CFDP1: variants seen among roughly 807,000 people sequenced by gnomAD.
CFDP1 encodes the protein heterochromatin-stabilizing protein CFDP1.
A neutral mutation model predicts 40.1 loss-of-function variants in CFDP1; 31 were observed. That is an observed-to-expected ratio of 0.77 (90% CI 0.58 to 1.04). CFDP1 has a LOEUF of 1.04. CFDP1 is among the 50% of genes least tolerant of loss of function. The pLI, the probability that CFDP1 is intolerant of heterozygous loss-of-function variation, is 0.00. For missense variants in CFDP1, 423 were observed against 343.4 expected (o/e 1.23, Z -1.83); for synonymous variants, 167 against 120.0 (o/e 1.39, Z -2.56).
chr16:75,327,443 C>T (rs1234906254), intron 5 of CFDP1, among the ~76,000 whole-genome samples: 1 of 151,050 alleles, frequency 6.6e-6, no homozygotes, highest in Non-Finnish European at 1.5e-5. Context: ...AGGGATGTTA[C>T]GGGGAATGGG....
rs920907899 is a variant in CFDP1, at chr16:75,412,054, A to G, written c.403-102T>C. 25 of 1,243,472 alleles carry G rather than the reference A, an allele frequency of 2.0e-5. No individual in the cohort carries two copies. In the Admixed American group the frequency reaches 7.2e-4, roughly 36 times the overall value. 77.0% of individuals were successfully genotyped at this position (1,243,472 alleles called of 1,614,324 possible). A position where few individuals can be genotyped will look rare whatever the true frequency, so the allele number is the denominator to read the frequency against. ...TCTTTGAGATAGCGTCTCACTCTGT[A>G]GCCCAAGCTGGAGTGCAGTAACACA... On this transcript the variant is annotated intron_variant, in intron 3 of 6. Coordinates refer to ENST00000283882, the MANE Select transcript of CFDP1 (RefSeq NM_006324.3).
intron 5 of CFDP1, among the ~76,000 whole-genome samples, chr16:75,382,758 T>C (rs1007545826): frequency 2.0e-5 from 3 of 152,150 alleles, no homozygotes; most frequent in African/African-American, 4.8e-5. Flanking sequence ...TTGTACATGA[T>C]ATTCCTTGGA....
chr16:75,319,363 A>T (rs1477427856), intron 5 of CFDP1, among the ~76,000 whole-genome samples: 3 of 152,166 alleles, frequency 2.0e-5, no homozygotes, highest in African/African-American at 7.2e-5. Flanking sequence ...ACTGCTACTA[A>T]ATAAGCATGC....
intron 4 of CFDP1, among the ~76,000 whole-genome samples, chr16:75,398,183 G>T (rs1170596900): frequency 2.0e-5 from 3 of 152,232 alleles, no homozygotes; most frequent in Non-Finnish European, 4.4e-5. Flanking sequence ...GGAATGGTGT[G>T]CTACACAGCA....
intron 5 of CFDP1, among the ~76,000 whole-genome samples, chr16:75,356,036 A>AT (rs2078642345): frequency 6.6e-6 from 1 of 152,192 alleles, no homozygotes; most frequent in South Asian, 2.1e-4. Flanking sequence ...AAGGGTTGGA[A>AT]TAAACTTCTT....
In CFDP1 at chr16:75,293,915, A is replaced by C. The variant is rs1380387316; in HGVS notation, c.*37T>G. ...CAGACGCACAAAAAGCTCACATTGT[A>C]AACAGGATTAAGCTGCTCTTGATTT... is the stretch of plus-strand genomic sequence containing the variant. On this transcript the variant is annotated 3_prime_UTR_variant, in exon 7 of 7. Transcript: ENST00000283882. 1.3e-6 allele frequency: 2 copies of C among 1,531,200 alleles called. No homozygotes were observed. The highest frequency in any genetic ancestry group is 1.1e-5 in the South Asian group (1 of 89,232). 94.9% of individuals were successfully genotyped at this position (1,531,200 alleles called of 1,614,324 possible).
intron 6 of CFDP1, among the ~76,000 whole-genome samples, chr16:75,295,784 C>A (rs1314608351): frequency 6.6e-6 from 1 of 152,168 alleles, no homozygotes; most frequent in Non-Finnish European, 1.5e-5. Context: ...TTCAGAGTCC[C>A]TGGCAGTCAG....
chr16:75,351,003 A>C (rs7188143), intron 5 of CFDP1, among the ~76,000 whole-genome samples: 56 of 152,118 alleles, frequency 3.7e-4, no homozygotes, highest in East Asian at 1.5e-3. Flanking sequence ...ACAAAAAAAA[A>C]CTGCAAAAAC....
intron 5 of CFDP1, among the ~76,000 whole-genome samples, chr16:75,318,827 T>C (rs922597988): frequency 6.6e-6 from 1 of 152,244 alleles, no homozygotes; most frequent in Non-Finnish European, 1.5e-5. Flanking sequence ...TTTTAAATTC[T>C]TGGGCACCTC....
intron 5 of CFDP1, among the ~76,000 whole-genome samples, chr16:75,347,212 C>T (rs1425106023): frequency 2.0e-5 from 3 of 151,186 alleles, no homozygotes; most frequent in South Asian, 2.1e-4. Flanking sequence ...GGCATAATGG[C>T]GGGCGCTTGT....
intron 5 of CFDP1, among the ~76,000 whole-genome samples, chr16:75,314,175 G>A (rs886337836): frequency 6.6e-6 from 1 of 152,144 alleles, no homozygotes; most frequent in Admixed American, 6.5e-5. Context: ...GTGAGCCATC[G>A]CACCTGGCCT....
intron 4 of CFDP1, among the ~76,000 whole-genome samples, chr16:75,407,665 A>AG (rs2079113902): frequency 6.8e-6 from 1 of 146,266 alleles, no homozygotes; most frequent in Non-Finnish European, 1.5e-5. Flanking sequence ...AAAAAAAAAA[A>AG]AAAAAAAGAA....
intron 5 of CFDP1, among the ~76,000 whole-genome samples, chr16:75,366,571 C>T (rs751590313): frequency 3.3e-5 from 5 of 151,878 alleles, no homozygotes; most frequent in East Asian, 1.9e-4. Context: ...TGCAGTGAGC[C>T]GAGATCGTGC....
chr16:75,380,147 A>C (rs2078840857), intron 5 of CFDP1: 1 of 152,226 alleles, frequency 6.6e-6, no homozygotes, highest in Admixed American at 6.5e-5. Flanking sequence ...GAAAAAAAAA[A>C]AAGAAAGAAA....
At chr16:75,400,894 C>T (rs891196837) in intron 4 of CFDP1, among the ~76,000 whole-genome samples, 3 of 152,108 alleles carry the variant, frequency 2.0e-5, no homozygotes, top group African/African-American at 4.8e-5. Context: ...ATATGAATCT[C>T]ATAAAAACAG....
chr16:75,380,273 A>G (rs1041629474), intron 5 of CFDP1: 2 of 152,238 alleles, frequency 1.3e-5, no homozygotes, highest in South Asian at 4.1e-4. Flanking sequence ...CATAAAATAT[A>G]CCAAAAATTA....
At chr16:75,319,463 T>C (rs933032079) in intron 5 of CFDP1, among the ~76,000 whole-genome samples, 3 of 152,170 alleles carry the variant, frequency 2.0e-5, no homozygotes, top group African/African-American at 7.2e-5. Flanking sequence ...GGGAACGTGC[T>C]TTATGGTCGT....
At position 75,354,282 on chromosome 16, in the gene CFDP1, C is replaced by T. The variant is rs990076504; in HGVS notation, c.650+40808G>A. Among the ~76,000 whole-genome samples the T allele has an allele frequency of 1.3e-4, 20 of 152,158 alleles. 2 individuals carry two copies. The highest frequency in any genetic ancestry group is 1.1e-3 in the Admixed American group (17 of 15,274). ...CAATGCATTTATTGGGACATAACCC[C>T]ATCATATGTCAAGGAACATGTGTAG... On this transcript the variant is annotated intron_variant, in intron 5 of 6. Coordinates refer to ENST00000283882, the MANE Select transcript of CFDP1 (RefSeq NM_006324.3).
intron 4 of CFDP1, among the ~76,000 whole-genome samples, chr16:75,395,682 AC>A (rs985524716): frequency 2.6e-5 from 4 of 152,176 alleles, no homozygotes; most frequent in Admixed American, 6.5e-5. Context: ...AAATAAAAAA[AC>A]ATTTTCCCTC....
Sources: gnomAD v4.1 joint callset for allele counts (sites outside exome capture counted in the v4.1 genomes callset) on GRCh38, gnomAD v4.1.1 for gene constraint, MANE v1.5 for transcripts, NCBI Gene and HGNC (gene_info 2026-07-23, HGNC 2026-07-21) for gene names.